Variants in ATRNL1 observed in about 807,000 individuals in gnomAD.
The protein encoded by ATRNL1 is attractin like 1, also known as attractin-like protein 1.
Under a neutral mutation model 182.7 loss-of-function variants are expected in ATRNL1, and 95 were observed. The observed-to-expected ratio is 0.52, with a 90% CI of 0.44 to 0.62. ATRNL1 has a LOEUF of 0.62. Among genes scored for constraint, ATRNL1 ranks in the 20% least tolerant of loss-of-function variants. ATRNL1 has a pLI of 0.00. For missense variants in ATRNL1, 1,471 were observed against 1,679.5 expected (o/e 0.88, Z 2.17); for synonymous variants, 576 against 568.3 (o/e 1.01, Z -0.19).
intron 5 of ATRNL1, among the ~76,000 whole-genome samples, chr10:115,159,201 A>G (rs973547235): frequency 2.0e-5 from 3 of 151,520 alleles, no homozygotes; most frequent in Admixed American, 1.3e-4. Context: ...CTTATAAAAG[A>G]AATTTAAACA....
intron 24 of ATRNL1, among the ~76,000 whole-genome samples, chr10:115,513,006 G>C (rs2065826): frequency 0.41 from 62,614 of 151,816 alleles, 13,916 homozygotes; most frequent in Middle Eastern, 0.54. Flanking sequence ...ACACAAATTT[G>C]TAAACTTTCT....
intron 25 of ATRNL1, among the ~76,000 whole-genome samples, chr10:115,533,339 A>G (rs1446787149): frequency 6.6e-6 from 1 of 152,084 alleles, no homozygotes; most frequent in African/African-American, 2.4e-5. Context: ...GGGAGAGTGT[A>G]TGTATCGAGG....
chr10:115,672,641 CT>C (rs1266884879), intron 26 of ATRNL1, among the ~76,000 whole-genome samples: 1 of 151,980 alleles, frequency 6.6e-6, no homozygotes, highest in Non-Finnish European at 1.5e-5. Flanking sequence ...AAAGTAATAA[CT>C]TTTCTTATTA....
rs377333667 is a variant in ATRNL1, at chr10:115,632,219, G to A, written c.3795+82683G>A. Among the ~76,000 whole-genome samples the A allele has an allele frequency of 6.6e-5, 10 of 152,270 alleles. 1 individual carries two copies. Among genetic ancestry groups the A allele is most frequent in the African/African-American group, 2.2e-4 (9 of 41,558 alleles). ...GGAAGCAAGGAGACCATATAGGCAAGTAATCCAGTGATCTAGATGTGAAGT... is the reference window on the plus strand; with the variant it reads ...GGAAGCAAGGAGACCATATAGGCAAATAATCCAGTGATCTAGATGTGAAGT... On this transcript the variant is annotated intron_variant, in intron 26 of 28. Coordinates refer to ENST00000355044, the MANE Select transcript of ATRNL1 (RefSeq NM_207303.4).
chr10:115,103,231 G>A (rs546276094), intron 1 of ATRNL1, among the ~76,000 whole-genome samples: 3 of 151,844 alleles, frequency 2.0e-5, no homozygotes, highest in African/African-American at 7.2e-5. Context: ...TAGAGATGGG[G>A]TTTCGCCATG....
intron 27 of ATRNL1, among the ~76,000 whole-genome samples, chr10:115,823,013 A>G (rs1950340745): frequency 6.6e-6 from 1 of 152,192 alleles, no homozygotes; most frequent in African/African-American, 2.4e-5. Flanking sequence ...CCTGATGAAC[A>G]TCAATGCGAA....
intron 19 of ATRNL1, among the ~76,000 whole-genome samples, chr10:115,385,690 T>A (rs1341109383): frequency 6.6e-6 from 1 of 152,200 alleles, no homozygotes; most frequent in African/African-American, 2.4e-5. Flanking sequence ...TTGTATAGTG[T>A]TAACTCTTAC....
chr10:115,516,906 GT>G (rs1169778831), intron 24 of ATRNL1, among the ~76,000 whole-genome samples: 3 of 151,666 alleles, frequency 2.0e-5, no homozygotes, highest in African/African-American at 7.2e-5. Flanking sequence ...TATCATCTTT[GT>G]TTTTTTCCAC....
chr10:115,461,927 T>G lies in ATRNL1; in HGVS notation c.3323-14T>G, dbSNP rs782117280. On this transcript the variant is annotated splice_polypyrimidine_tract_variant and intron_variant, in intron 21 of 28. Coordinates refer to ENST00000355044, the MANE Select transcript of ATRNL1 (RefSeq NM_207303.4). ...AAGTACATATCAGGATTGTACTTTT[T>G]TTCCTCCCTACAGACAGCCTTTTGA... 1 of 1,591,474 alleles carries G rather than the reference T, an allele frequency of 6.3e-7. No individual in the cohort carries two copies. The highest frequency in any genetic ancestry group is 1.1e-5 in the South Asian group (1 of 88,556).
intron 27 of ATRNL1, among the ~76,000 whole-genome samples, chr10:115,820,857 C>T (rs191948322): frequency 1.3e-5 from 2 of 152,226 alleles, no homozygotes; most frequent in East Asian, 1.9e-4. Flanking sequence ...ACCCAAATCT[C>T]ATCTTGAATT....
At chr10:115,756,317 C>T (rs1452861542) in intron 27 of ATRNL1, among the ~76,000 whole-genome samples, 2 of 152,142 alleles carry the variant, frequency 1.3e-5, no homozygotes, top group Non-Finnish European at 2.9e-5. Flanking sequence ...ATAAATTTCC[C>T]TCTCCACACT....
intron 24 of ATRNL1, among the ~76,000 whole-genome samples, chr10:115,500,362 G>T (rs782436935): frequency 1.1e-4 from 17 of 152,176 alleles, no homozygotes; most frequent in Middle Eastern, 3.4e-3. Context: ...TTAGAATTTG[G>T]TCCAAACCTT....
intron 26 of ATRNL1, among the ~76,000 whole-genome samples, chr10:115,568,308 G>A: frequency 6.6e-6 from 1 of 151,932 alleles, no homozygotes; most frequent in East Asian, 1.9e-4. Context: ...TCTTTTTTAT[G>A]TTAAAAATTT....
At chr10:115,220,141 C>T (rs192786214) in intron 9 of ATRNL1, among the ~76,000 whole-genome samples, 5 of 152,266 alleles carry the variant, frequency 3.3e-5, no homozygotes, top group African/African-American at 1.2e-4. Flanking sequence ...ACACATGTCA[C>T]CTTTTGAACT....
intron 27 of ATRNL1, among the ~76,000 whole-genome samples, chr10:115,753,537 G>A (rs1431153502): frequency 1.3e-5 from 2 of 152,112 alleles, no homozygotes; most frequent in African/African-American, 4.8e-5. Flanking sequence ...AGTATTCCAT[G>A]GTGTATATGT....
chr10:115,461,880 T>G, intron 21 of ATRNL1, 61 bp from the exon 22 acceptor site: 1 of 1,076,624 alleles, frequency 9.3e-7, no homozygotes, highest in East Asian at 2.5e-5. Context: ...TAACCTAAAT[T>G]TTGCTTTTTA....
chr10:115,718,829 A>C (rs1252150035), intron 26 of ATRNL1, among the ~76,000 whole-genome samples: 1 of 152,230 alleles, frequency 6.6e-6, no homozygotes, highest in African/African-American at 2.4e-5. Flanking sequence ...CTCCAATAGC[A>C]GACTATACTA....
At chr10:115,617,025 G>A (rs1555021019) in intron 26 of ATRNL1, among the ~76,000 whole-genome samples, 7 of 152,276 alleles carry the variant, frequency 4.6e-5, no homozygotes, top group South Asian at 2.1e-4. Flanking sequence ...TGTTAGAGCC[G>A]ACTGTAACTT....
rs577914081 is a variant in ATRNL1, at chr10:115,111,546, G to A, written c.294-8639G>A. Among the ~76,000 whole-genome samples, 13 of 152,218 alleles carry A rather than the reference G, an allele frequency of 8.5e-5. No individual in the cohort carries two copies. In the South Asian group the frequency reaches 2.7e-3, roughly 32 times the overall value. On this transcript the variant is annotated intron_variant, in intron 1 of 28. Coordinates refer to ENST00000355044, the MANE Select transcript of ATRNL1 (RefSeq NM_207303.4). ...TTCATATGGCAGGAGAGGAAGCAAG[G>A]GGTGGGAGCGGCCAGGCCCTTTTTC...
Sources: allele counts gnomAD v4.1 joint callset (sites outside exome capture counted in the v4.1 genomes callset), GRCh38; gene constraint gnomAD v4.1.1; transcripts MANE v1.5; gene names NCBI Gene and HGNC (gene_info 2026-07-23, HGNC 2026-07-21).